The following TGM3 variants were observed in gnomAD, a reference collection of about 807,000 sequenced individuals.
TGM3 encodes transglutaminase 3.
In TGM3, 52 loss-of-function variants were observed where a neutral mutation model predicts 73.8. That is an observed-to-expected ratio of 0.70 (90% CI 0.56 to 0.89). The LOEUF is 0.89. Ranked by LOEUF, TGM3 falls within the 40% of genes least tolerant of loss-of-function variation. The pLI is 0.00. For synonymous variants in TGM3, 372 were observed against 354.9 expected (o/e 1.05, Z -0.54); for missense variants, 928 against 909.9 (o/e 1.02, Z -0.26).
chr20:2,341,050 A>G lies in TGM3; in HGVS notation c.*469A>G. 2.4e-6 allele frequency: 1 copy of G among 421,866 alleles called. No homozygotes were observed. Among genetic ancestry groups the G allele is most frequent in the Non-Finnish European group, 4.8e-6 (1 of 207,076 alleles). 26.1% of individuals were successfully genotyped at this position (421,866 alleles called of 1,614,324 possible). A position where few individuals can be genotyped will look rare whatever the true frequency, so the allele number is the denominator to read the frequency against. On this transcript the variant is annotated 3_prime_UTR_variant, in exon 13 of 13. Coordinates refer to ENST00000381458, the MANE Select transcript of TGM3 (RefSeq NM_003245.4). ...GCCCCAGCACTCACACCCTAACTCA[A>G]AATAAATGTTAAATAAGTGCGATCA...
At position 2,325,885 on chromosome 20, in the gene TGM3, G is replaced by A; in HGVS notation, c.1020G>A (p.Arg340=). 1 of 1,584,408 alleles carries A rather than the reference G, an allele frequency of 6.3e-7. No individual in the cohort carries two copies. The highest frequency in any genetic ancestry group is 8.6e-7 in the Non-Finnish European group (1 of 1,163,994). The change falls in exon 8 of 13, where the codon AGG becomes AGA. Residue 340 remains arginine (R), a synonymous_variant. Transcript: ENST00000381458. ...TCTGGAATGAAGGCTGGTTTGTGAGGTCTGACCTGGGCCCCTCGTACGGTG... is the reference window on the plus strand; with the variant it reads ...TCTGGAATGAAGGCTGGTTTGTGAGATCTGACCTGGGCCCCTCGTACGGTG... The part of the protein sequence containing the change: ...FHVWNEGWFV[R]SDLGPSYGGW...
rs1007044823 is a variant in TGM3 at position 2,334,863 on chromosome 20, G to A, written c.1643-253G>A. On this transcript the variant is annotated intron_variant, in intron 10 of 12. Coordinates refer to ENST00000381458, the MANE Select transcript of TGM3 (RefSeq NM_003245.4). This position sits in a 1 kb window ranked among gnomAD's most constrained non-coding sequence, Gnocchi z 4.0. The stretch of plus-strand genomic sequence containing the variant: ...TCGGGAGGAAGCAGCGGTATCTTTA[G>A]CCCCTGTGAGCCCATCCTCCTGGGA... 1.3e-5 allele frequency among the ~76,000 whole-genome samples: 2 copies of A among 152,292 alleles called. No homozygotes were observed. Among genetic ancestry groups the A allele is most frequent in the Non-Finnish European group, 1.5e-5 (1 of 68,014 alleles).
At chr20:2,325,765 C>A in intron 7 of TGM3, 84 bp from the exon 8 acceptor site, 1 of 960,400 alleles carries the variant, frequency 1.0e-6, no homozygotes, top group Non-Finnish European at 1.6e-6. Context: ...TCATGCTGCA[C>A]TGTTGGGGCA....
chr20:2,335,600 C>G (rs992805772), intron 11 of TGM3, among the ~76,000 whole-genome samples: 9 of 152,242 alleles, frequency 5.9e-5, no homozygotes, highest in Admixed American at 2.6e-4. Context: ...TCCCTTCTCA[C>G]TCAGCTACTG....
chr20:2,324,285 C>T (rs915773493), intron 7 of TGM3, among the ~76,000 whole-genome samples: 7 of 152,042 alleles, frequency 4.6e-5, no homozygotes, highest in Non-Finnish European at 7.4e-5. Flanking sequence ...AGCATATTTT[C>T]CTTTATTTCG....
intron 7 of TGM3, among the ~76,000 whole-genome samples, chr20:2,319,212 C>T (rs2122230532): frequency 6.6e-6 from 1 of 152,298 alleles, no homozygotes; most frequent in South Asian, 2.1e-4. Context: ...GTTTCTTCTA[C>T]AAAAGGAGAT....
intron 5 of TGM3, among the ~76,000 whole-genome samples, chr20:2,315,053 G>A (rs140420625): frequency 5.9e-5 from 9 of 152,286 alleles, no homozygotes; most frequent in Non-Finnish European, 1.0e-4. Context: ...GAGAGGAAGT[G>A]AGCCTGGAAC....
intron 5 of TGM3, among the ~76,000 whole-genome samples, chr20:2,314,721 CA>C (rs147426241): frequency 6.7e-6 from 1 of 149,748 alleles, no homozygotes; most frequent in Non-Finnish European, 1.5e-5. Flanking sequence ...AGCCTATCTC[CA>C]AAAAAAAAGG....
chr20:2,313,749 C>A (rs935070867), intron 5 of TGM3, among the ~76,000 whole-genome samples: 4 of 152,158 alleles, frequency 2.6e-5, no homozygotes, highest in African/African-American at 9.7e-5. Context: ...TCCAACCAGT[C>A]TGGGCGTGGT....
rs185032765 is a variant in TGM3 at position 2,334,153 on chromosome 20, C to T, written c.1643-963C>T. Among the ~76,000 whole-genome samples, 106 of 152,214 alleles carry T rather than the reference C, an allele frequency of 7.0e-4. No homozygotes were observed. The highest frequency in any genetic ancestry group is 3.4e-3 in the Middle Eastern group (1 of 294). ...AGGACTTAAAGCGTGGGGAAGGAGC[C>T]GGATGCATGGAGAGAAGCCAGGGGA... is the stretch of plus-strand genomic sequence containing the variant. On this transcript the variant is annotated intron_variant, in intron 10 of 12. Transcript: ENST00000381458. This position sits in a 1 kb window ranked among gnomAD's most constrained non-coding sequence, Gnocchi z 4.0.
At chr20:2,307,484 G>A (rs986632033) in intron 1 of TGM3, among the ~76,000 whole-genome samples, 1 of 152,114 alleles carries the variant, frequency 6.6e-6, no homozygotes, top group Non-Finnish European at 1.5e-5. Flanking sequence ...AGCTCTATGG[G>A]CACCCGGCAA....
At chr20:2,297,567 G>A (rs769373908) in intron 1 of TGM3, among the ~76,000 whole-genome samples, 11 of 152,222 alleles carry the variant, frequency 7.2e-5, no homozygotes, top group Non-Finnish European at 1.5e-4. Context: ...TGCCCGCTGT[G>A]AGGCATGATT....
At chr20:2,333,817 C>T (rs898227945) in intron 10 of TGM3, among the ~76,000 whole-genome samples, 13 of 152,140 alleles carry the variant, frequency 8.5e-5, no homozygotes, top group Admixed American at 5.9e-4. Context: ...AGAGTCTGGT[C>T]GTCTGCCAAG....
Position 2,309,744 on chromosome 20 carries a change from T to G in TGM3, c.95T>G (p.Leu32Trp). Residue 32 changes from leucine (L) to tryptophan (W), a missense_variant, in exon 2 of 13, where the codon TTG (leucine) becomes TGG (tryptophan). Transcript: ENST00000381458. Reference protein sequence around the residue: ...TDKFSSQELILRRGQNFQVLM... With the variant: ...TDKFSSQELIWRRGQNFQVLM... Reference sequence around the variant, plus strand: ...AAGTTCTCCAGCCAGGAGCTCATCTTGCGGAGAGGCCAAAACTTCCAGGTC... The same window carrying G: ...AAGTTCTCCAGCCAGGAGCTCATCTGGCGGAGAGGCCAAAACTTCCAGGTC... 1 of 1,614,204 alleles carries G rather than the reference T, an allele frequency of 6.2e-7. No homozygotes were observed. Among genetic ancestry groups the G allele is most frequent in the Non-Finnish European group, 8.5e-7 (1 of 1,180,030 alleles).
chr20:2,316,465 G>A (rs1259529918), intron 5 of TGM3, among the ~76,000 whole-genome samples: 1 of 152,022 alleles, frequency 6.6e-6, no homozygotes, highest in East Asian at 1.9e-4. Flanking sequence ...AGGAGGCTGA[G>A]CCAGGAGAAT....
chr20:2,315,273 G>T (rs2084227334), intron 5 of TGM3, among the ~76,000 whole-genome samples: 1 of 152,222 alleles, frequency 6.6e-6, no homozygotes, highest in African/African-American at 2.4e-5. Flanking sequence ...TCCCAGCTGG[G>T]CTGGGCCATG....
At chr20:2,303,088 C>T (rs189115577) in intron 1 of TGM3, among the ~76,000 whole-genome samples, 4 of 152,140 alleles carry the variant, frequency 2.6e-5, no homozygotes, top group East Asian at 3.9e-4. Context: ...CATTTGAGGT[C>T]GGGAGTTCGA....
At chr20:2,336,726 G>C (rs2122257005) in intron 11 of TGM3, among the ~76,000 whole-genome samples, 1 of 151,852 alleles carries the variant, frequency 6.6e-6, no homozygotes, top group South Asian at 2.1e-4. Context: ...CCAGTCTGGG[G>C]GCTGAGAAGG....
intron 5 of TGM3, among the ~76,000 whole-genome samples, 161 bp downstream of exon 5, chr20:2,313,187 C>G (rs552691183): frequency 6.6e-6 from 1 of 152,342 alleles, no homozygotes; most frequent in African/African-American, 2.4e-5. Flanking sequence ...GAGCACAAGG[C>G]CCCTCTAAGT....
Sources: allele counts gnomAD v4.1 joint callset (sites outside exome capture counted in the v4.1 genomes callset), GRCh38; gene constraint gnomAD v4.1.1; non-coding constraint Gnocchi (gnomAD v3.1); transcripts MANE v1.5; gene names NCBI Gene and HGNC (gene_info 2026-07-23, HGNC 2026-07-21).